The following MGRN1 variants were observed in gnomAD, a reference collection of about 807,000 sequenced individuals.
The protein encoded by MGRN1 is mahogunin ring finger 1.
Under a neutral mutation model 69.2 loss-of-function variants are expected in MGRN1, and 29 were observed. The observed-to-expected ratio is 0.42, with a 90% confidence interval of 0.31 to 0.57. The LOEUF (loss-of-function observed/expected upper bound fraction) is 0.57. MGRN1 is among the 20% of genes least tolerant of loss of function. The pLI, the probability that MGRN1 is intolerant of heterozygous loss-of-function variation, is 0.15. For synonymous variants in MGRN1, 470 were observed against 344.2 expected (o/e 1.37, Z -4.04); for missense variants, 998 against 796.2 (o/e 1.25, Z -3.05).
intron 10 of MGRN1, chr16:4,676,955 C>T (rs1176963402): frequency 2.0e-5 from 3 of 152,862 alleles, no homozygotes; most frequent in East Asian, 3.8e-4. Context: ...TCAGCTTCCC[C>T]AGTGTGATGT....
chr16:4,637,945 C>A (rs2078068180), intron 1 of MGRN1, among the ~76,000 whole-genome samples: 1 of 152,214 alleles, frequency 6.6e-6, no homozygotes, highest in Non-Finnish European at 1.5e-5. Flanking sequence ...AGCTTATGCC[C>A]CCTCCGTGCC....
intron 5 of MGRN1, among the ~76,000 whole-genome samples, chr16:4,658,428 G>T (rs150431686): frequency 0.015 from 2,304 of 151,966 alleles, 33 homozygotes; most frequent in Non-Finnish European, 0.024. Flanking sequence ...CCCACCTACT[G>T]GGGAGGCTGA....
Position 4,680,027 on chromosome 16 carries a change from G to T in MGRN1, c.1066-5G>T, listed in dbSNP as rs1156625107. The stretch of plus-strand genomic sequence containing the variant: ...TTGTAAAACATATGATTTTTATCTT[G>T]ACAGTGTCCCTTTAAAAAATCAAAG... On this transcript the variant is annotated splice_region_variant and splice_polypyrimidine_tract_variant and intron_variant, in intron 11 of 16. Transcript: ENST00000262370. 6.2e-7 allele frequency: 1 copy of T among 1,613,580 alleles called. No individual in the cohort carries two copies. The highest frequency in any genetic ancestry group is 1.3e-5 in the African/African-American group (1 of 74,908).
chr16:4,665,147 A>G lies in MGRN1; in HGVS notation c.674A>G (p.Glu225Gly), dbSNP rs2078772401. 1 of 1,614,074 alleles carries G rather than the reference A, an allele frequency of 6.2e-7. No individual in the cohort carries two copies. Among genetic ancestry groups the G allele is most frequent in the African/African-American group, 1.3e-5 (1 of 75,010 alleles). ...GHAHVLLAAF[E>G]KHMDGSFSVK... ...GCCCACGTGCTCTTGGCTGCCTTTG[A>G]AAAGGTAAGTGCCATCTGGCCATCA... The change falls in exon 7 of 17, where the codon GAA becomes GGA. Residue 225 changes from glutamate (E) to glycine (G), a missense_variant. By Grantham distance (98) the Glu-to-Gly change is moderately conservative (BLOSUM62 -2). Transcript: ENST00000262370.
chr16:4,683,034 C>T (rs2079224391), intron 14 of MGRN1, 88 bp downstream of exon 14: 6 of 1,477,058 alleles, frequency 4.1e-6, no homozygotes, highest in Non-Finnish European at 4.5e-6. Context: ...CATCCCACTG[C>T]CCGCCTGGGC....
chr16:4,641,212 G>A (rs947821344), intron 1 of MGRN1, among the ~76,000 whole-genome samples: 1 of 152,230 alleles, frequency 6.6e-6, no homozygotes, highest in Non-Finnish European at 1.5e-5. Context: ...TCTTCTTGAG[G>A]CAAAGGAAAG....
Position 4,686,992 on chromosome 16 carries a change from C to T in MGRN1, c.1619-1804C>T, listed in dbSNP as rs575016634. The T allele has an allele frequency of 4.6e-3, 4,571 of 985,546 alleles. 10 individuals are homozygous for T. The highest frequency in any genetic ancestry group is 5.2e-3 in the Non-Finnish European group (4,311 of 830,056). 61.1% of individuals were successfully genotyped at this position (985,546 alleles called of 1,614,324 possible). A position where few individuals can be genotyped will look rare whatever the true frequency, so the allele number is the denominator to read the frequency against. On this transcript the variant is annotated intron_variant, in intron 16 of 16. Coordinates refer to ENST00000262370, the MANE Select transcript of MGRN1 (RefSeq NM_015246.4). ...TCTTGCGTCCTGTCCTGAGGGCGTC[C>T]GCTCACACAGCCACCTGCTCCCCCG...
chr16:4,671,996 C>G (rs935483175), intron 9 of MGRN1, among the ~76,000 whole-genome samples: 1 of 152,214 alleles, frequency 6.6e-6, no homozygotes, highest in Non-Finnish European at 1.5e-5. Context: ...GCCTCCGCCT[C>G]CCGGGTTCAA....
intron 16 of MGRN1, chr16:4,688,492 CAGGAGGCCCAGA>C (rs2079385099): frequency 3.9e-5 from 46 of 1,167,022 alleles, no homozygotes; most frequent in Non-Finnish European, 4.6e-5. Context: ...AGGGCAAGGG[CAGGAGGCCCAGA>C]GGGCATCCAC....
In MGRN1 at chr16:4,668,363, ACAAT is replaced by A. The variant is rs1298066386; in HGVS notation, c.726+54_726+57del. 2.5e-6 allele frequency: 4 copies of A among 1,583,250 alleles called. No homozygotes were observed. In the Admixed American group the frequency reaches 5.0e-5, roughly 20 times the overall value. ...TGCTTGAATTAAAAGACACACATATACAATCACTCACACGCATACTCATACATAG... is the reference window on the plus strand; with the variant it reads ...TGCTTGAATTAAAAGACACACATATACACTCACACGCATACTCATACATAG... On this transcript the variant is annotated intron_variant, in intron 8 of 16. Transcript: ENST00000262370.
intron 1 of MGRN1, among the ~76,000 whole-genome samples, chr16:4,645,936 T>G (rs1246840473): frequency 1.3e-5 from 2 of 152,132 alleles, no homozygotes; most frequent in Non-Finnish European, 2.9e-5. Flanking sequence ...GTGCTGTGGT[T>G]GTAGAAATGA....
At chr16:4,653,127 C>T (rs925011933) in intron 4 of MGRN1, among the ~76,000 whole-genome samples, 3 of 152,326 alleles carry the variant, frequency 2.0e-5, no homozygotes, top group East Asian at 1.9e-4. Context: ...CATAAGCCCC[C>T]GCTGTCACCT....
chr16:4,625,429 C>T (rs1351037628), intron 1 of MGRN1, among the ~76,000 whole-genome samples: 3 of 152,252 alleles, frequency 2.0e-5, no homozygotes, highest in Admixed American at 1.3e-4. Context: ...ATCAGATTGA[C>T]CTCACCGCGG....
At chr16:4,633,084 A>G (rs915737440) in intron 1 of MGRN1, among the ~76,000 whole-genome samples, 4 of 151,850 alleles carry the variant, frequency 2.6e-5, no homozygotes, top group Non-Finnish European at 5.9e-5. Flanking sequence ...CTCTGTCTCT[A>G]AAGAATAAAT....
At chr16:4,685,831 C>T (rs150098153) in intron 16 of MGRN1, among the ~76,000 whole-genome samples, 10 of 152,286 alleles carry the variant, frequency 6.6e-5, no homozygotes, top group Non-Finnish European at 1.0e-4. Flanking sequence ...GCGGGGTGGG[C>T]GGCATCACTG....
rs376626103 is a variant in MGRN1, at chr16:4,630,863, C to A, written c.88+5815C>A. ...ATAGGGTCTTACTCTGTCATTCAGGCTAGAGTATAGCGGCATGATGTCACT... is the reference window on the plus strand; with the variant it reads ...ATAGGGTCTTACTCTGTCATTCAGGATAGAGTATAGCGGCATGATGTCACT... On this transcript the variant is annotated intron_variant, in intron 1 of 16. Coordinates refer to ENST00000262370, the MANE Select transcript of MGRN1 (RefSeq NM_015246.4). Among the ~76,000 whole-genome samples the A allele has an allele frequency of 2.8e-5, 4 of 144,406 alleles. No homozygotes were observed. The South Asian group carries it at 8.6e-4, about 31-fold the overall frequency. The allele number at this position is 144,406 out of a possible 152,430, so 94.7% of individuals were successfully genotyped here.
chr16:4,668,698 ACACATACACT>A (rs2078866038), intron 8 of MGRN1, among the ~76,000 whole-genome samples: 1 of 146,474 alleles, frequency 6.8e-6, no homozygotes, highest in African/African-American at 2.8e-5. Flanking sequence ...GTACACATAC[ACACATACACT>A]CACACTCACT....
At chr16:4,668,502 C>T (rs569635024) in intron 8 of MGRN1, among the ~76,000 whole-genome samples, 190 bp downstream of exon 8, 1 of 151,908 alleles carries the variant, frequency 6.6e-6, no homozygotes, top group Non-Finnish European at 1.5e-5. Context: ...CACTCACATT[C>T]ACACATATAT....
At chr16:4,655,653 T>G (rs1463911750) in intron 4 of MGRN1, among the ~76,000 whole-genome samples, 1 of 150,998 alleles carries the variant, frequency 6.6e-6, no homozygotes, top group African/African-American at 2.4e-5. Context: ...CCAGTGCCAC[T>G]GTCCCCCTCT....
Sources: gnomAD v4.1 joint callset for allele counts (sites outside exome capture counted in the v4.1 genomes callset) on GRCh38, gnomAD v4.1.1 for gene constraint, MANE v1.5 for transcripts, NCBI Gene and HGNC (gene_info 2026-07-23, HGNC 2026-07-21) for gene names.